Variants in ULK4 observed in about 807,000 individuals in gnomAD.
ULK4 encodes the protein inactive serine/threonine-protein kinase ULK4.
A neutral mutation model predicts 160.6 loss-of-function variants in ULK4; 133 were observed. That is an observed-to-expected ratio of 0.83 (90% CI 0.72 to 0.96). The LOEUF is 0.96. Ranked by LOEUF, ULK4 falls within the 40% of genes least tolerant of loss-of-function variation. The pLI, the probability that ULK4 is intolerant of heterozygous loss-of-function variation, is 0.00. For missense variants in ULK4, 1,580 were observed against 1,499.5 expected (o/e 1.05, Z -0.89); for synonymous variants, 534 against 539.8 (o/e 0.99, Z 0.15).
chr3:41,409,905 C>T (rs865777017), intron 34 of ULK4, among the ~76,000 whole-genome samples: 11 of 151,352 alleles, frequency 7.3e-5, no homozygotes, highest in African/African-American at 2.2e-4. Context: ...GCAGAGATCA[C>T]GCCACTGTAC....
rs372892469 is a variant in ULK4, at chr3:41,824,333, C to T, written c.1765-4827G>A. 2.4e-3 allele frequency among the ~76,000 whole-genome samples: 367 copies of T among 152,028 alleles called. 1 individual carries two copies. The highest frequency in any genetic ancestry group is 7.9e-3 in the African/African-American group (327 of 41,484). On this transcript the variant is annotated intron_variant, in intron 18 of 36. Transcript: ENST00000301831. ...GACAGTGGGTGCAGGACAGTGGGTG[C>T]AGCACACCGAGCATAAGACAAAGCA...
At chr3:41,712,864 C>T (rs1447813610) in intron 25 of ULK4, among the ~76,000 whole-genome samples, 1 of 151,736 alleles carries the variant, frequency 6.6e-6, no homozygotes, top group Non-Finnish European at 1.5e-5. Flanking sequence ...GCACTCCAGC[C>T]TGGGTGACAG....
chr3:41,705,919 G>A (rs59548608), intron 25 of ULK4, among the ~76,000 whole-genome samples: 19,654 of 152,032 alleles, frequency 0.13, 3,793 homozygotes, highest in African/African-American at 0.42. Context: ...AAGAGAGTTC[G>A]AATGGCACCT....
chr3:41,794,687 C>A (rs142646165), intron 20 of ULK4, among the ~76,000 whole-genome samples: 2,850 of 55,518 alleles, frequency 0.051, 46 homozygotes, highest in Non-Finnish European at 0.063. Flanking sequence ...AAAAAAAAAA[C>A]ACAGAAAAAA....
chr3:41,563,247 A>C (rs901322869), intron 32 of ULK4, among the ~76,000 whole-genome samples: 6 of 152,100 alleles, frequency 3.9e-5, no homozygotes, highest in East Asian at 1.9e-4. Context: ...CTTTGGGCTT[A>C]CCTTTGTGGG....
At chr3:41,713,858 T>G (rs2037179096) in intron 25 of ULK4, among the ~76,000 whole-genome samples, 1 of 152,116 alleles carries the variant, frequency 6.6e-6, no homozygotes, top group South Asian at 2.1e-4. Flanking sequence ...TGGAAAATCT[T>G]GGTAATTCTT....
chr3:41,912,791 G>C lies in ULK4; in HGVS notation c.896+16C>G. On this transcript the variant is annotated intron_variant, in intron 9 of 36. Transcript: ENST00000301831. ...CCAGTAACTATGTCCCATACACAAA[G>C]GTAAGTGTATACTACCTGAGACTGA... is the stretch of plus-strand genomic sequence containing the variant. 1 of 1,603,330 alleles carries C rather than the reference G, an allele frequency of 6.2e-7. No homozygotes were observed. The highest frequency in any genetic ancestry group is 8.5e-7 in the Non-Finnish European group (1 of 1,170,192).
chr3:41,860,818 T>C (rs945088962), intron 17 of ULK4, among the ~76,000 whole-genome samples: 1 of 152,206 alleles, frequency 6.6e-6, no homozygotes, highest in Non-Finnish European at 1.5e-5. Context: ...TATCCTCCAC[T>C]AGTGAAGGTG....
chr3:41,463,169 G>A lies in ULK4; in HGVS notation c.3311C>T (p.Ala1104Val), dbSNP rs1459631064. The A allele has an allele frequency of 1.2e-6, 2 of 1,613,772 alleles. No individual in the cohort carries two copies. Among genetic ancestry groups the A allele is most frequent in the South Asian group, 1.1e-5 (1 of 91,068 alleles). The change falls in exon 33 of 37, where the codon GCA becomes GTA. Residue 1104 changes from alanine (A) to valine (V), a missense_variant. Transcript: ENST00000301831. ...DVDNKNNNEM[A>V]APLLFSLLDI... ...AAGCAGGGAAAAGAGCAGTGGAGCT[G>A]CCATCTCATTGTTGTTTTTATTGTC...
intron 21 of ULK4, among the ~76,000 whole-genome samples, chr3:41,780,860 T>C (rs2039816684): frequency 6.6e-6 from 1 of 152,102 alleles, no homozygotes; most frequent in African/African-American, 2.4e-5. Flanking sequence ...AATAATAGGT[T>C]GGTCTTATCG....
chr3:41,374,720 C>T (rs183752236), intron 35 of ULK4, among the ~76,000 whole-genome samples: 3 of 152,170 alleles, frequency 2.0e-5, no homozygotes, highest in Non-Finnish European at 4.4e-5. Context: ...CCTTTGAAAA[C>T]TGGCACAAGA....
At chr3:41,470,008 A>G (rs1463110991) in intron 32 of ULK4, among the ~76,000 whole-genome samples, 1 of 142,004 alleles carries the variant, frequency 7.0e-6, no homozygotes, top group African/African-American at 2.6e-5. Context: ...ATTCAAGAAG[A>G]AACAGAACAG....
intron 5 of ULK4, among the ~76,000 whole-genome samples, chr3:41,927,064 A>G (rs763472685): frequency 1.3e-4 from 20 of 152,068 alleles, no homozygotes; most frequent in Non-Finnish European, 1.9e-4. Context: ...CACCAAGGTT[A>G]AAATGAGGGA....
intron 32 of ULK4, among the ~76,000 whole-genome samples, chr3:41,517,606 G>A (rs187441211): frequency 2.4e-4 from 37 of 152,326 alleles, no homozygotes; most frequent in Admixed American, 3.9e-4. Context: ...TGTTATAGCA[G>A]CAGGAACAGT....
intron 6 of ULK4, 81 bp downstream of exon 6, chr3:41,919,636 T>A: frequency 1.7e-6 from 2 of 1,166,240 alleles, no homozygotes; most frequent in Non-Finnish European, 2.5e-6. Context: ...TCACATCTTA[T>A]AGGTAAAACA....
chr3:41,665,782 T>A (rs1024330979), intron 29 of ULK4, among the ~76,000 whole-genome samples: 2 of 152,208 alleles, frequency 1.3e-5, no homozygotes, highest in African/African-American at 4.8e-5. Flanking sequence ...CAACTTAGCA[T>A]ACTGGAGAGA....
At chr3:41,908,057 ACTGT>A in intron 11 of ULK4, 116 bp from the exon 12 acceptor site, 1 of 479,316 alleles carries the variant, frequency 2.1e-6, no homozygotes, top group Non-Finnish European at 3.3e-6. Context: ...GATTCCATAT[ACTGT>A]CACTAAAAAA....
At chr3:41,740,200 T>C (rs1318663405) in intron 22 of ULK4, among the ~76,000 whole-genome samples, 2 of 151,874 alleles carry the variant, frequency 1.3e-5, no homozygotes, top group Admixed American at 6.6e-5. Flanking sequence ...GAGAAAATAA[T>C]TTTTCCCCAC....
intron 19 of ULK4, among the ~76,000 whole-genome samples, chr3:41,809,520 T>C (rs950308190): frequency 6.6e-6 from 1 of 152,288 alleles, no homozygotes; most frequent in East Asian, 1.9e-4. Context: ...TATTTGTGTG[T>C]GGTGCTATGT....
Sources: gnomAD v4.1 joint callset for allele counts (sites outside exome capture counted in the v4.1 genomes callset) on GRCh38, gnomAD v4.1.1 for gene constraint, MANE v1.5 for transcripts, NCBI Gene and HGNC (gene_info 2026-07-23, HGNC 2026-07-21) for gene names.